The following SLC25A21 variants were observed in gnomAD, a reference collection of about 807,000 sequenced individuals.
SLC25A21 encodes the protein solute carrier family 25 member 21, also known as mitochondrial 2-oxodicarboxylate carrier.
Under a neutral mutation model 43.8 loss-of-function variants are expected in SLC25A21, and 47 were observed. The observed-to-expected ratio is 1.07, with a 90% CI of 0.85 to 1.37. The LOEUF (loss-of-function observed/expected upper bound fraction) is 1.37, where lower values mean the gene tolerates loss of function less well. Among genes scored for constraint, SLC25A21 ranks in the 40% most tolerant of loss-of-function variants. The probability of loss-of-function intolerance (pLI) is 0.00; values close to 1 mark genes in which losing one functional copy is unlikely to be tolerated. For missense variants in SLC25A21, 352 were observed against 350.2 expected (o/e 1.00, Z -0.04); for synonymous variants, 131 against 121.3 (o/e 1.08, Z -0.52).
At chr14:37,013,172 A>C (rs1960769902) in intron 1 of SLC25A21, among the ~76,000 whole-genome samples, 1 of 152,210 alleles carries the variant, frequency 6.6e-6, no homozygotes, top group African/African-American at 2.4e-5. Flanking sequence ...GTGAAATAGA[A>C]CACCAGGCTT....
At chr14:36,744,684 A>G (rs1381292536) in intron 3 of SLC25A21, among the ~76,000 whole-genome samples, 1 of 152,198 alleles carries the variant, frequency 6.6e-6, no homozygotes, top group African/African-American at 2.4e-5. Flanking sequence ...TCTTTTGCAC[A>G]GCAAAAGAAA....
chr14:36,837,407 C>A (rs766562632), intron 2 of SLC25A21, among the ~76,000 whole-genome samples: 4 of 151,944 alleles, frequency 2.6e-5, no homozygotes, highest in Admixed American at 6.6e-5. Context: ...CAGGGCAAGA[C>A]CAAGCAGAGG....
intron 1 of SLC25A21, among the ~76,000 whole-genome samples, chr14:37,075,980 C>T (rs1962272846): frequency 6.6e-6 from 1 of 152,216 alleles, no homozygotes; most frequent in Non-Finnish European, 1.5e-5. Flanking sequence ...CCAGCGGAAG[C>T]TGTGAGGATG....
At chr14:36,883,590 C>T (rs1212419062) in intron 1 of SLC25A21, among the ~76,000 whole-genome samples, 2 of 152,050 alleles carry the variant, frequency 1.3e-5, no homozygotes, top group Non-Finnish European at 2.9e-5. Context: ...TCATATTATC[C>T]ATCGATATGC....
intron 1 of SLC25A21, among the ~76,000 whole-genome samples, chr14:37,023,470 T>C (rs1961029718): frequency 6.6e-6 from 1 of 151,982 alleles, no homozygotes; most frequent in Non-Finnish European, 1.5e-5. Context: ...GTACTTTTGG[T>C]CAAGGGTTCA....
intron 1 of SLC25A21, among the ~76,000 whole-genome samples, chr14:36,978,666 ATAGTTT>A (rs1361373325): frequency 6.6e-6 from 1 of 152,236 alleles, no homozygotes; most frequent in African/African-American, 2.4e-5. Context: ...AAATACTCAC[ATAGTTT>A]TAGTATGTTC....
intron 2 of SLC25A21, among the ~76,000 whole-genome samples, chr14:36,821,202 T>A (rs975862035): frequency 6.6e-6 from 1 of 152,150 alleles, no homozygotes; most frequent in South Asian, 2.1e-4. Flanking sequence ...CCACCATGTA[T>A]GTTTCTTTCC....
At chr14:36,928,008 G>A (rs546936301) in intron 1 of SLC25A21, among the ~76,000 whole-genome samples, 8 of 152,246 alleles carry the variant, frequency 5.3e-5, no homozygotes, top group African/African-American at 2.4e-5. Context: ...TAGAGCCCCC[G>A]AAGTTATAAT....
intron 3 of SLC25A21, among the ~76,000 whole-genome samples, chr14:36,783,908 G>A (rs533982378): frequency 5.9e-5 from 9 of 152,194 alleles, no homozygotes; most frequent in African/African-American, 9.6e-5. Flanking sequence ...TTCTGTACCC[G>A]ACTTCCCACC....
At chr14:36,736,224 C>A (rs1026949688) in intron 3 of SLC25A21, among the ~76,000 whole-genome samples, 1 of 152,138 alleles carries the variant, frequency 6.6e-6, no homozygotes, top group East Asian at 1.9e-4. Context: ...CGTGAGCCAC[C>A]GTGCCCAGCC....
chr14:37,167,737 C>A (rs553737610), intron 1 of SLC25A21, among the ~76,000 whole-genome samples: 1 of 151,988 alleles, frequency 6.6e-6, no homozygotes, highest in Non-Finnish European at 1.5e-5. Context: ...TTTTGCAGAC[C>A]CTGCGTTTGA....
At chr14:37,167,724 A>G (rs1339707913) in intron 1 of SLC25A21, among the ~76,000 whole-genome samples, 1 of 152,046 alleles carries the variant, frequency 6.6e-6, no homozygotes, top group Non-Finnish European at 1.5e-5. Context: ...AGGGCTTGAG[A>G]TATTTTGCAG....
At chr14:37,008,426 C>G (rs1960656822) in intron 1 of SLC25A21, among the ~76,000 whole-genome samples, 1 of 152,122 alleles carries the variant, frequency 6.6e-6, no homozygotes, top group East Asian at 1.9e-4. Context: ...CAGAAAGTGA[C>G]AAAGGAGGAG....
chr14:36,760,252 C>T (rs1199214584), intron 3 of SLC25A21, among the ~76,000 whole-genome samples: 1 of 151,920 alleles, frequency 6.6e-6, no homozygotes. Flanking sequence ...ACGGCAAGGC[C>T]AATCCAAATT....
At chr14:37,009,305 T>C (rs1316708546) in intron 1 of SLC25A21, among the ~76,000 whole-genome samples, 1 of 151,934 alleles carries the variant, frequency 6.6e-6, no homozygotes, top group Non-Finnish European at 1.5e-5. Context: ...CTGGCCAACA[T>C]GGCAAAACCG....
At chr14:37,152,052 T>C (rs748264195) in intron 1 of SLC25A21, among the ~76,000 whole-genome samples, 1 of 152,002 alleles carries the variant, frequency 6.6e-6, no homozygotes, top group African/African-American at 2.4e-5. Context: ...ATAATAATAA[T>C]AGAGATTATT....
At chr14:36,839,377 C>T (rs1889309420) in intron 2 of SLC25A21, among the ~76,000 whole-genome samples, 1 of 152,122 alleles carries the variant, frequency 6.6e-6, no homozygotes, top group African/African-American at 2.4e-5. Context: ...GTGAACATAC[C>T]AGTTTCATTT....
At chr14:37,073,869 T>G (rs980022899) in intron 1 of SLC25A21, among the ~76,000 whole-genome samples, 1 of 152,176 alleles carries the variant, frequency 6.6e-6, no homozygotes, top group Non-Finnish European at 1.5e-5. Flanking sequence ...TTTTCGCATA[T>G]TTCTGTACTC....
intron 1 of SLC25A21, among the ~76,000 whole-genome samples, chr14:37,007,067 AGATATTAGAAG>A (rs1251611960): frequency 1.3e-5 from 2 of 152,236 alleles, no homozygotes; most frequent in Non-Finnish European, 2.9e-5. Context: ...AGGGTGATTA[AGATATTAGAAG>A]GATAGATGAT....
Sources: gnomAD v4.1 joint callset for allele counts (sites outside exome capture counted in the v4.1 genomes callset) on GRCh38, gnomAD v4.1.1 for gene constraint, MANE v1.5 for transcripts, NCBI Gene and HGNC (gene_info 2026-07-23, HGNC 2026-07-21) for gene names.